The following AGAP1 variants were observed in gnomAD, a reference collection of about 807,000 sequenced individuals.
AGAP1 encodes the protein arf-GAP with GTPase, ANK repeat and PH domain-containing protein 1.
In AGAP1, 29 loss-of-function variants were observed where a neutral mutation model predicts 105.3. That is an observed-to-expected ratio of 0.28 (90% CI 0.21 to 0.38). AGAP1 has a LOEUF of 0.38. Among genes scored for constraint, AGAP1 ranks in the 10% least tolerant of loss-of-function variants. AGAP1 has a pLI of 1.00. For missense variants in AGAP1, 998 were observed against 1,165.1 expected, an observed-to-expected ratio of 0.86 and a Z score of 2.09; for synonymous variants, 509 against 485.9, an observed-to-expected ratio of 1.05 and a Z score of -0.63.
rs764883800 is a variant in AGAP1 at position 235,883,410 on chromosome 2, G to T, written c.1116G>T (p.Leu372=). ...AGTGGAAAAAGAAATATGTCACCCT[G>T]TGTGACAATGGCGTGCTGACCTATC... is the stretch of plus-strand genomic sequence containing the variant. The part of the protein sequence containing the change: ...NKEWKKKYVT[L]CDNGVLTYHP... The change falls in exon 10 of 18, where the codon CTG becomes CTT. Residue 372 remains leucine (L), a synonymous_variant. Coordinates refer to ENST00000304032, the MANE Select transcript of AGAP1 (RefSeq NM_001037131.3). This position sits in a 1 kb window ranked among gnomAD's most constrained non-coding sequence, Gnocchi z 4.5. 3 of 1,614,092 alleles carry T rather than the reference G, an allele frequency of 1.9e-6. No homozygotes were observed. The highest frequency in any genetic ancestry group is 3.3e-5 in the Admixed American group (2 of 60,016).
rs1175099467 is a variant in AGAP1 at position 236,090,200 on chromosome 2, T to C, written c.2115-29992T>C. Among the ~76,000 whole-genome samples the C allele has an allele frequency of 6.6e-6, 1 of 152,146 alleles. No homozygotes were observed. The highest frequency in any genetic ancestry group is 1.5e-5 in the Non-Finnish European group (1 of 68,038). On this transcript the variant is annotated intron_variant, in intron 16 of 17. Coordinates refer to ENST00000304032, the MANE Select transcript of AGAP1 (RefSeq NM_001037131.3). The surrounding 1 kb of genome is among the most constrained non-coding windows in gnomAD (Gnocchi z 4.3). ...CTGCACAGGCTGGGGATGGGCTGGGTAGAAATGGCAGTTTTGTGGTCGTTC... is the reference window on the plus strand; with the variant it reads ...CTGCACAGGCTGGGGATGGGCTGGGCAGAAATGGCAGTTTTGTGGTCGTTC...
intron 9 of AGAP1, among the ~76,000 whole-genome samples, chr2:235,873,130 T>C (rs896801552): frequency 6.6e-6 from 1 of 152,240 alleles, no homozygotes. Flanking sequence ...GTGGGGATCA[T>C]GCAAAACATT....
intron 1 of AGAP1, among the ~76,000 whole-genome samples, chr2:235,511,678 C>G (rs1942116328): frequency 6.6e-6 from 1 of 152,194 alleles, no homozygotes; most frequent in South Asian, 2.1e-4. Flanking sequence ...ATCTTTTTGA[C>G]AATTCCGCAT....
intron 9 of AGAP1, among the ~76,000 whole-genome samples, chr2:235,839,300 C>T (rs538301291): frequency 1.3e-5 from 2 of 152,352 alleles, no homozygotes; most frequent in East Asian, 1.9e-4. Flanking sequence ...GATATGCCCA[C>T]GGGTGTGGGC....
intron 1 of AGAP1, among the ~76,000 whole-genome samples, chr2:235,686,623 A>G (rs1346376778): frequency 4.3e-4 from 12 of 28,002 alleles, no homozygotes; most frequent in African/African-American, 1.5e-3. Context: ...AGATATAGAT[A>G]TATATATATA....
At chr2:236,079,092 G>A (rs1224565435) in intron 16 of AGAP1, among the ~76,000 whole-genome samples, 1 of 152,126 alleles carries the variant, frequency 6.6e-6, no homozygotes, top group Non-Finnish European at 1.5e-5. Context: ...GCCACACCAG[G>A]CCTGGCATCT....
chr2:236,083,419 A>G lies in AGAP1; in HGVS notation c.2114+34138A>G, dbSNP rs1406777501. On this transcript the variant is annotated intron_variant, in intron 16 of 17. Transcript: ENST00000304032. The surrounding 1 kb of genome is among the most constrained non-coding windows in gnomAD (Gnocchi z 5.3). ...ATTAAAGGATTGTTTTCATTTTATT[A>G]TAAGGAAGAGACATTTTTGGTATAA... 2.0e-5 allele frequency among the ~76,000 whole-genome samples: 3 copies of G among 152,202 alleles called. No homozygotes were observed. The highest frequency in any genetic ancestry group is 2.1e-4 in the South Asian group (1 of 4,834).
chr2:235,749,708 G>A (rs1219170522), intron 5 of AGAP1, among the ~76,000 whole-genome samples: 1 of 152,154 alleles, frequency 6.6e-6, no homozygotes, highest in Non-Finnish European at 1.5e-5. Context: ...CTAAAACCCA[G>A]AGTCACCCAA....
At chr2:235,816,175 C>T (rs547023833) in intron 9 of AGAP1, among the ~76,000 whole-genome samples, 2 of 152,306 alleles carry the variant, frequency 1.3e-5, no homozygotes, top group African/African-American at 4.8e-5. Context: ...TAGTGGCTCA[C>T]GCCGGTAATC....
chr2:235,997,119 C>T (rs1433305651), intron 13 of AGAP1, among the ~76,000 whole-genome samples: 2 of 152,130 alleles, frequency 1.3e-5, no homozygotes, highest in African/African-American at 4.8e-5. Flanking sequence ...TACGGAGTTT[C>T]ACTCTTGTTG....
intron 11 of AGAP1, among the ~76,000 whole-genome samples, chr2:235,923,464 AAGC>A (rs1303337512): frequency 4.6e-5 from 7 of 152,110 alleles, no homozygotes; most frequent in African/African-American, 1.4e-4. Context: ...TCACATCCAG[AAGC>A]AGCAGGTAGC....
chr2:235,647,576 T>C (rs1947433568), intron 1 of AGAP1, among the ~76,000 whole-genome samples: 1 of 152,030 alleles, frequency 6.6e-6, no homozygotes, highest in South Asian at 2.1e-4. Flanking sequence ...TTTGTAGAGA[T>C]GGACTCTTGC....
At chr2:235,995,838 C>T (rs1472559922) in intron 13 of AGAP1, among the ~76,000 whole-genome samples, 1 of 152,152 alleles carries the variant, frequency 6.6e-6, no homozygotes, top group African/African-American at 2.4e-5. Context: ...TCTTTCTTGC[C>T]TCTGGCTCTT....
intron 6 of AGAP1, among the ~76,000 whole-genome samples, chr2:235,758,896 C>T (rs938143021): frequency 1.3e-5 from 2 of 152,164 alleles, no homozygotes; most frequent in African/African-American, 4.8e-5. Context: ...GGGCTCAAGC[C>T]GTCCTCCCGC....
In AGAP1 at chr2:235,877,035, T is replaced by A. The variant is rs377300992; in HGVS notation, c.1051-6310T>A. Among the ~76,000 whole-genome samples, 428 of 151,934 alleles carry A rather than the reference T, an allele frequency of 2.8e-3. 4 individuals are homozygous for A. The highest frequency in any genetic ancestry group is 9.4e-3 in the African/African-American group (389 of 41,416). On this transcript the variant is annotated intron_variant, in intron 9 of 17. Coordinates refer to ENST00000304032, the MANE Select transcript of AGAP1 (RefSeq NM_001037131.3). The surrounding 1 kb of genome is among the most constrained non-coding windows in gnomAD (Gnocchi z 4.3). ...GCTAATTTTTGTATTTTTAGTAGAG[T>A]TGGGGCTTCACCATTTGGTCAGGCT... is the stretch of plus-strand genomic sequence containing the variant.
chr2:235,795,664 GAA>G (rs373102522), intron 6 of AGAP1, among the ~76,000 whole-genome samples: 2,154 of 150,508 alleles, frequency 0.014, 40 homozygotes, highest in African/African-American at 0.049. Flanking sequence ...GGACAAATAT[GAA>G]AAAAAAATAG....
chr2:235,929,720 A>G (rs531657748), intron 11 of AGAP1, among the ~76,000 whole-genome samples: 2 of 152,104 alleles, frequency 1.3e-5, no homozygotes, highest in South Asian at 4.1e-4. Flanking sequence ...TTGAAAATGC[A>G]TCTTTTCCCA....
At chr2:235,763,034 G>A (rs1575375234) in intron 6 of AGAP1, among the ~76,000 whole-genome samples, 1 of 133,374 alleles carries the variant, frequency 7.5e-6, no homozygotes, top group Non-Finnish European at 1.6e-5. Context: ...GTTAAGGCTC[G>A]GGTGTGTGTG....
At chr2:236,052,251 A>G (rs1371761905) in intron 16 of AGAP1, among the ~76,000 whole-genome samples, 1 of 152,210 alleles carries the variant, frequency 6.6e-6, no homozygotes, top group Admixed American at 6.5e-5. Context: ...GGTCCATTCC[A>G]TCTTGTGCAG....
Sources: allele counts gnomAD v4.1 joint callset (sites outside exome capture counted in the v4.1 genomes callset), GRCh38; gene constraint gnomAD v4.1.1; non-coding constraint Gnocchi (gnomAD v3.1); transcripts MANE v1.5; gene names NCBI Gene and HGNC (gene_info 2026-07-23, HGNC 2026-07-21).